Variants in MAN1C1 observed in about 807,000 individuals in gnomAD.
The protein encoded by MAN1C1 is mannosyl-oligosaccharide 1,2-alpha-mannosidase IC.
MAN1C1 carries 49 observed loss-of-function variants against 71.5 expected under a neutral mutation model. The observed-to-expected ratio is 0.69, with a 90% confidence interval of 0.54 to 0.87. The LOEUF is 0.87. Ranked by LOEUF, MAN1C1 falls within the 40% of genes least tolerant of loss-of-function variation. The pLI, the probability that MAN1C1 is intolerant of heterozygous loss-of-function variation, is 0.00. For missense variants in MAN1C1, 743 were observed against 835.0 expected (o/e 0.89, Z 1.36); for synonymous variants, 352 against 343.7 (o/e 1.02, Z -0.27).
At chr1:25,673,133 G>T (rs1411485161) in intron 1 of MAN1C1, among the ~76,000 whole-genome samples, 1 of 152,194 alleles carries the variant, frequency 6.6e-6, no homozygotes, top group Admixed American at 6.5e-5. Context: ...AAGGAGACTT[G>T]AGAGGACTTG....
intron 2 of MAN1C1, among the ~76,000 whole-genome samples, chr1:25,744,876 GGA>G (rs1314600491): frequency 6.6e-6 from 1 of 152,192 alleles, no homozygotes; most frequent in East Asian, 1.9e-4. Flanking sequence ...TGCGGAAGGT[GGA>G]GCCTGTGACT....
At chr1:25,732,405 GC>G (rs2046921005) in intron 2 of MAN1C1, among the ~76,000 whole-genome samples, 1 of 152,192 alleles carries the variant, frequency 6.6e-6, no homozygotes, top group African/African-American at 2.4e-5. Flanking sequence ...CTGTTCATCA[GC>G]CCTGGGAGGT....
chr1:25,732,009 C>A (rs960370511), intron 2 of MAN1C1, among the ~76,000 whole-genome samples: 10 of 152,122 alleles, frequency 6.6e-5, no homozygotes, highest in African/African-American at 2.4e-4. Flanking sequence ...AGAAAAAGAC[C>A]AACTCAGACC....
chr1:25,734,533 A>G (rs2046954658), intron 2 of MAN1C1, among the ~76,000 whole-genome samples: 1 of 152,254 alleles, frequency 6.6e-6, no homozygotes. Flanking sequence ...TGGCATTTAG[A>G]ATTCCACATT....
intron 1 of MAN1C1, among the ~76,000 whole-genome samples, chr1:25,667,636 A>T (rs1405501316): frequency 6.6e-6 from 1 of 152,110 alleles, no homozygotes. Flanking sequence ...CAGGGTTTTG[A>T]AATCAAATTG....
chr1:25,683,921 C>T (rs1205430784), intron 1 of MAN1C1, among the ~76,000 whole-genome samples: 1 of 152,184 alleles, frequency 6.6e-6, no homozygotes, highest in Non-Finnish European at 1.5e-5. Flanking sequence ...CAGTCCCCAG[C>T]GATGCTGGGA....
chr1:25,656,713 T>G (rs1317738130), intron 1 of MAN1C1, among the ~76,000 whole-genome samples: 2 of 152,144 alleles, frequency 1.3e-5, no homozygotes, highest in African/African-American at 2.4e-5. Context: ...AGAAGACACA[T>G]GTTGGGTCCT....
chr1:25,712,203 TCGGCCGG>T (rs2046621895), intron 2 of MAN1C1, among the ~76,000 whole-genome samples: 1 of 152,244 alleles, frequency 6.6e-6, no homozygotes. Context: ...TCTGCTATGC[TCGGCCGG>T]CGTCTTGGCA....
intron 4 of MAN1C1, 22 bp downstream of exon 4, chr1:25,749,357 C>A: frequency 6.3e-7 from 1 of 1,575,252 alleles, no homozygotes; most frequent in Non-Finnish European, 8.7e-7. Context: ...TTTCATGACC[C>A]CTGAACTGTC....
intron 1 of MAN1C1, among the ~76,000 whole-genome samples, chr1:25,635,612 G>C (rs1361227590): frequency 6.6e-6 from 1 of 151,792 alleles, no homozygotes; most frequent in Non-Finnish European, 1.5e-5. Context: ...ACCACGCCTG[G>C]CTAATTTTGT....
chr1:25,663,626 GGGGGATTACTGCATC>G (rs1441192220), intron 1 of MAN1C1, among the ~76,000 whole-genome samples: 2 of 152,174 alleles, frequency 1.3e-5, no homozygotes, highest in African/African-American at 2.4e-5. Flanking sequence ...TGCAGATATG[GGGGGATTACTGCATC>G]GGGGATTACT....
intron 6 of MAN1C1, chr1:25,761,641 T>TTTTTTTTTA (rs2047360415): frequency 2.0e-5 from 3 of 147,828 alleles, no homozygotes; most frequent in Admixed American, 6.7e-5. Context: ...TTTTTTTTTT[T>TTTTTTTTTA]GAGACGGAGT....
At chr1:25,622,972 T>G (rs938052285) in intron 1 of MAN1C1, among the ~76,000 whole-genome samples, 2 of 152,206 alleles carry the variant, frequency 1.3e-5, no homozygotes, top group African/African-American at 4.8e-5. Context: ...ATGTTCAGGA[T>G]AATTAATATT....
Position 25,618,118 on chromosome 1 carries a change from G to T in MAN1C1, c.321G>T (p.Gly107=). The T allele has an allele frequency of 6.6e-7, 1 of 1,513,784 alleles. No homozygotes were observed. The allele number at this position is 1,513,784 out of a possible 1,614,324, so 93.8% of individuals were successfully genotyped here. Residue 107 remains glycine, a synonymous_variant, in exon 1 of 12, where the codon GGG becomes GGT. Coordinates refer to ENST00000374332, the MANE Select transcript of MAN1C1 (RefSeq NM_020379.4). ...SSWASPRRRK[G]GLRRTRPTGP... ...GGGCCAGTCCCCGCCGCAGGAAAGG[G>T]GGGCTGCGGCGCACCCGCCCCACTG...
At chr1:25,642,379 C>A (rs376555005) in intron 1 of MAN1C1, among the ~76,000 whole-genome samples, 1 of 152,208 alleles carries the variant, frequency 6.6e-6, no homozygotes, top group Admixed American at 6.5e-5. Flanking sequence ...ACTCTGCAGC[C>A]GTGCTCTGCT....
At chr1:25,662,363 C>T (rs1027299354) in intron 1 of MAN1C1, among the ~76,000 whole-genome samples, 4 of 152,094 alleles carry the variant, frequency 2.6e-5, no homozygotes, top group African/African-American at 9.7e-5. Context: ...ATCCAGACTC[C>T]TCAGCATTTG....
rs188204237 is a variant in MAN1C1, at chr1:25,735,958, G to C, written c.638-10710G>C. Among the ~76,000 whole-genome samples the C allele has an allele frequency of 1.3e-5, 2 of 152,162 alleles. No homozygotes were observed. Among genetic ancestry groups the C allele is most frequent in the Admixed American group, 1.3e-4 (2 of 15,278 alleles). ...GAAAAGCACAAGGTTAATGGGATAGGGATATTTACTCCTCCCAAGGAGGGA... is the reference window on the plus strand; with the variant it reads ...GAAAAGCACAAGGTTAATGGGATAGCGATATTTACTCCTCCCAAGGAGGGA... On this transcript the variant is annotated intron_variant, in intron 2 of 11. Coordinates refer to ENST00000374332, the MANE Select transcript of MAN1C1 (RefSeq NM_020379.4). The surrounding 1 kb of genome is among the most constrained non-coding windows in gnomAD (Gnocchi z 4.6).
At chr1:25,629,665 C>T (rs1196776520) in intron 1 of MAN1C1, among the ~76,000 whole-genome samples, 3 of 152,072 alleles carry the variant, frequency 2.0e-5, no homozygotes, top group African/African-American at 7.2e-5. Context: ...AGGTGATCTG[C>T]CCACCTCGGC....
intron 2 of MAN1C1, among the ~76,000 whole-genome samples, chr1:25,713,358 C>G (rs2046638880): frequency 6.6e-6 from 1 of 152,216 alleles, no homozygotes; most frequent in Non-Finnish European, 1.5e-5. Context: ...AGGAAACAGA[C>G]CCAGGTAAGC....
Sources: gnomAD v4.1 joint callset for allele counts (sites outside exome capture counted in the v4.1 genomes callset) on GRCh38, gnomAD v4.1.1 for gene constraint, Gnocchi (gnomAD v3.1) non-coding constraint, MANE v1.5 for transcripts, NCBI Gene and HGNC (gene_info 2026-07-23, HGNC 2026-07-21) for gene names.